Variants in CWF19L2 observed in about 807,000 individuals in gnomAD.
The protein encoded by CWF19L2 is CWF19 like cell cycle control factor 2, also known as CWF19-like protein 2.
Under a neutral mutation model 111.7 loss-of-function variants are expected in CWF19L2, and 98 were observed. The ratio of observed to expected loss-of-function variants is 0.88; its 90% CI spans 0.75 to 1.04. The LOEUF (loss-of-function observed/expected upper bound fraction) is 1.04. CWF19L2 is among the 50% of genes least tolerant of loss of function. The pLI is 0.00. For synonymous variants in CWF19L2, 351 were observed against 342.9 expected, an observed-to-expected ratio of 1.02 and a Z score of -0.26; for missense variants, 1,101 against 1,051.4, an observed-to-expected ratio of 1.05 and a Z score of -0.65.
At chr11:107,435,822 T>C (rs540628221) in intron 6 of CWF19L2, among the ~76,000 whole-genome samples, 40 of 152,200 alleles carry the variant, frequency 2.6e-4, no homozygotes, top group Admixed American at 1.2e-3. Context: ...TCAATATTTA[T>C]TATGAATATA....
intron 12 of CWF19L2, among the ~76,000 whole-genome samples, chr11:107,383,389 A>G (rs1404780410): frequency 6.6e-6 from 1 of 152,128 alleles, no homozygotes. Context: ...AAACCCACAC[A>G]TTTGGTCACA....
chr11:107,353,150 G>T lies in CWF19L2; in HGVS notation c.2085+374C>A, dbSNP rs554595580. Among the ~76,000 whole-genome samples, 3 of 152,046 alleles carry T rather than the reference G, an allele frequency of 2.0e-5. No individual in the cohort carries two copies. In the East Asian group the frequency reaches 5.8e-4, roughly 30 times the overall value. ...ATGACAATTAATTCTTTCAAATCAG[G>T]GCAATTATTACTTTATTTACTGCCT... On this transcript the variant is annotated intron_variant, in intron 13 of 17. Coordinates refer to ENST00000282251, the MANE Select transcript of CWF19L2 (RefSeq NM_152434.3).
intron 12 of CWF19L2, among the ~76,000 whole-genome samples, chr11:107,380,020 C>A (rs1205724221): frequency 8.7e-6 from 1 of 114,990 alleles, no homozygotes; most frequent in Non-Finnish European, 1.6e-5. Flanking sequence ...GCCCTCCAAC[C>A]TGGGCGACAG....
chr11:107,328,012 G>A (rs1859787737), intron 17 of CWF19L2, among the ~76,000 whole-genome samples: 1 of 151,816 alleles, frequency 6.6e-6, no homozygotes, highest in Non-Finnish European at 1.5e-5. Context: ...GTGGGGTGAA[G>A]ACACACAGTT....
chr11:107,445,336 T>C (rs1168797402), intron 3 of CWF19L2, among the ~76,000 whole-genome samples: 1 of 152,216 alleles, frequency 6.6e-6, no homozygotes, highest in African/African-American at 2.4e-5. Context: ...CTGGGCGCGG[T>C]GGCTCACGCC....
chr11:107,348,997 G>A lies in CWF19L2; in HGVS notation c.2142C>T (p.Val714=), dbSNP rs760614691. The A allele has an allele frequency of 6.2e-7, 1 of 1,611,236 alleles. No individual in the cohort carries two copies. The highest frequency in any genetic ancestry group is 1.1e-5 in the South Asian group (1 of 90,898). The change falls in exon 14 of 18, where the codon GTC becomes GTT. Residue 714 remains valine, a synonymous_variant. Transcript: ENST00000282251. The stretch of plus-strand genomic sequence containing the variant: ...TAGCTGCTCTATGGTGCTGCAAAGG[G>A]ACTATCAGGCAGTGCCCCTCAGTAA... ...RSLTEGHCLI[V]PLQHHRAATL...
At chr11:107,404,203 T>TTGTAC (rs1329461076) in intron 10 of CWF19L2, 1 of 776,930 alleles carries the variant, frequency 1.3e-6, no homozygotes, top group Non-Finnish European at 2.4e-6. Flanking sequence ...ATGATAGACC[T>TTGTAC]TCATAAATTC....
rs940144353 is a variant in CWF19L2 at position 107,326,628 on chromosome 11, A to T, written c.*282T>A. 6 of 271,256 alleles carry T rather than the reference A, an allele frequency of 2.2e-5. No homozygotes were observed. The highest frequency in any genetic ancestry group is 1.1e-4 in the African/African-American group (5 of 45,692). 16.8% of individuals were successfully genotyped at this position (271,256 alleles called of 1,614,324 possible). On this transcript the variant is annotated 3_prime_UTR_variant, in exon 18 of 18. Transcript: ENST00000282251. ...CTTCAGAAAAGGCCTTCTCTAAATT[A>T]ACTGAACAATTCGGAATACCAAGAA...
intron 10 of CWF19L2, among the ~76,000 whole-genome samples, chr11:107,396,297 T>A (rs1436613251): frequency 2.0e-5 from 3 of 152,230 alleles, no homozygotes; most frequent in Non-Finnish European, 4.4e-5. Flanking sequence ...ATGCTCCAGG[T>A]TTTTAAATTA....
intron 10 of CWF19L2, 123 bp from the exon 11 acceptor site, chr11:107,393,018 A>G: frequency 1.7e-6 from 1 of 601,038 alleles, no homozygotes; most frequent in Middle Eastern, 3.4e-4. Flanking sequence ...ATTGCCTTAA[A>G]TCTCCTGGAT....
At chr11:107,417,432 C>A (rs374924966) in intron 9 of CWF19L2, among the ~76,000 whole-genome samples, 10 of 152,146 alleles carry the variant, frequency 6.6e-5, no homozygotes, top group East Asian at 3.8e-4. Flanking sequence ...TAAGCCTACA[C>A]AAAGCATCTA....
intron 10 of CWF19L2, among the ~76,000 whole-genome samples, chr11:107,401,983 A>AG (rs1861006730): frequency 6.6e-6 from 1 of 152,192 alleles, no homozygotes; most frequent in East Asian, 1.9e-4. Flanking sequence ...AAGTGGGGAA[A>AG]GGACGCCCTT....
intron 12 of CWF19L2, among the ~76,000 whole-genome samples, chr11:107,389,843 G>A (rs535340534): frequency 6.6e-6 from 1 of 152,186 alleles, no homozygotes; most frequent in South Asian, 2.1e-4. Context: ...TCCACAGAAT[G>A]CATTAAAGAA....
intron 8 of CWF19L2, among the ~76,000 whole-genome samples, chr11:107,425,454 A>G (rs1360512479): frequency 6.6e-6 from 1 of 151,960 alleles, no homozygotes; most frequent in Non-Finnish European, 1.5e-5. Context: ...ATACAGTAAC[A>G]TGTTCTACTT....
intron 12 of CWF19L2, among the ~76,000 whole-genome samples, chr11:107,362,474 T>C (rs1002275759): frequency 2.0e-5 from 3 of 152,220 alleles, no homozygotes; most frequent in South Asian, 2.1e-4. Flanking sequence ...CAGCTGGAGA[T>C]CTGAATACGG....
rs754274868 is a variant in CWF19L2, at chr11:107,329,890, T to C, written c.2541+28A>G. On this transcript the variant is annotated intron_variant, in intron 17 of 17. Coordinates refer to ENST00000282251, the MANE Select transcript of CWF19L2 (RefSeq NM_152434.3). Reference sequence around the variant, plus strand: ...AAAAATGTTACCAAATTGCTAACTCTGGGATTTTATCAAATTTGTAAGCCT... The same window carrying C: ...AAAAATGTTACCAAATTGCTAACTCCGGGATTTTATCAAATTTGTAAGCCT... The C allele has an allele frequency of 2.0e-5, 29 of 1,481,628 alleles. No individual in the cohort carries two copies. The East Asian group carries it at 5.8e-4, about 29-fold the overall frequency. 91.8% of individuals were successfully genotyped at this position (1,481,628 alleles called of 1,614,324 possible).
intron 13 of CWF19L2, among the ~76,000 whole-genome samples, chr11:107,352,805 T>G (rs532737135): frequency 6.6e-6 from 1 of 152,276 alleles, no homozygotes; most frequent in East Asian, 1.9e-4. Flanking sequence ...ATGTATACAA[T>G]AAACAACATA....
intron 12 of CWF19L2, among the ~76,000 whole-genome samples, chr11:107,379,614 G>A (rs1251228148): frequency 3.9e-5 from 6 of 152,320 alleles, no homozygotes; most frequent in Admixed American, 2.0e-4. Flanking sequence ...CCTGGTTACA[G>A]AAGTTGTTAC....
chr11:107,329,385 C>G (rs562810755), intron 17 of CWF19L2, among the ~76,000 whole-genome samples: 9 of 152,132 alleles, frequency 5.9e-5, no homozygotes, highest in African/African-American at 1.9e-4. Flanking sequence ...TCTTGGGCTA[C>G]GCCTTGCTTA....
Sources: allele counts gnomAD v4.1 joint callset (sites outside exome capture counted in the v4.1 genomes callset), GRCh38; gene constraint gnomAD v4.1.1; transcripts MANE v1.5; gene names NCBI Gene and HGNC (gene_info 2026-07-23, HGNC 2026-07-21).